The following ANKRD30B variants were observed in gnomAD, a reference collection of about 807,000 sequenced individuals.
The protein encoded by ANKRD30B is ankyrin repeat domain-containing protein 30B.
A neutral mutation model predicts 202.2 loss-of-function variants in ANKRD30B; 144 were observed. The ratio of observed to expected loss-of-function variants is 0.71; its 90% CI spans 0.62 to 0.82. ANKRD30B has a LOEUF of 0.82. Among genes scored for constraint, ANKRD30B ranks in the 40% least tolerant of loss-of-function variants. The pLI is 0.00. For synonymous variants in ANKRD30B, 508 were observed against 561.3 expected (o/e 0.91, Z 1.34); for missense variants, 1,487 against 1,669.1 (o/e 0.89, Z 1.90).
the ANKRD30B span, among the ~76,000 whole-genome samples, chr18:14,897,244 G>A: frequency 1.3e-5 from 2 of 152,082 alleles, no homozygotes; most frequent in East Asian, 3.9e-4. Flanking sequence ...AAAGAGTCAG[G>A]GCCAAATTGT....
At chr18:14,885,297 G>A in the ANKRD30B span, among the ~76,000 whole-genome samples, 2 of 152,076 alleles carry the variant, frequency 1.3e-5, no homozygotes, top group African/African-American at 4.8e-5. Flanking sequence ...TATCATTCAT[G>A]CTCAAGTAAA....
At chr18:14,753,173 A>T (rs1431108679) in intron 3 of ANKRD30B, among the ~76,000 whole-genome samples, 161 bp downstream of exon 3, 1 of 152,204 alleles carries the variant, frequency 6.6e-6, no homozygotes, top group African/African-American at 2.4e-5. Context: ...TTAATTTTTT[A>T]AAAGAACTAT....
chr18:14,871,311 C>A, the ANKRD30B span, among the ~76,000 whole-genome samples: 1 of 140,920 alleles, frequency 7.1e-6, no homozygotes, highest in East Asian at 2.2e-4. Flanking sequence ...ATACCAATTC[C>A]CACGCTCTTG....
intron 39 of ANKRD30B, 120 bp from the exon 40 acceptor site, chr18:14,848,596 C>T: frequency 2.6e-6 from 2 of 769,422 alleles, no homozygotes; most frequent in Non-Finnish European, 3.7e-6. Context: ...TAATGCCTTC[C>T]ACATGGTAGG....
the ANKRD30B span, among the ~76,000 whole-genome samples, chr18:14,881,521 A>G: frequency 1.6e-4 from 25 of 152,112 alleles, no homozygotes; most frequent in Admixed American, 1.4e-3. Context: ...TGTGTTCATC[A>G]AGGATATTGG....
chr18:14,926,411 T>C, the ANKRD30B span, among the ~76,000 whole-genome samples: 38 of 152,264 alleles, frequency 2.5e-4, no homozygotes, highest in East Asian at 4.1e-3. Flanking sequence ...TGGCTCCTGC[T>C]TGGGGAGGAC....
At chr18:14,819,413 T>G (rs1205636589) in intron 30 of ANKRD30B, among the ~76,000 whole-genome samples, 1 of 149,772 alleles carries the variant, frequency 6.7e-6, no homozygotes, top group African/African-American at 2.4e-5. Flanking sequence ...TTGCTTTTGG[T>G]GTTTTAGACA....
intron 6 of ANKRD30B, among the ~76,000 whole-genome samples, chr18:14,762,703 T>TA (rs1174553610): frequency 6.6e-6 from 1 of 152,276 alleles, no homozygotes; most frequent in Non-Finnish European, 1.5e-5. Flanking sequence ...CAAAAAATTA[T>TA]AAAAAAATTA....
At chr18:14,941,041 G>A in the ANKRD30B span, among the ~76,000 whole-genome samples, 2 of 152,074 alleles carry the variant, frequency 1.3e-5, no homozygotes. Flanking sequence ...TCCATCCCCA[G>A]GATAACACTG....
rs1204348778 is a variant in ANKRD30B at position 14,748,269 on chromosome 18, TGGTGTTGG to T, written c.-148_-141del. The stretch of plus-strand genomic sequence containing the variant: ...AGCTTGGCGATACAGAAATTTCTGC[TGGTGTTGG>T]GGCGGGTGCGGGAACTGAAGACGGG... On this transcript the variant is annotated 5_prime_UTR_variant, in exon 1 of 44. Coordinates refer to ENST00000690538, the MANE Select transcript of ANKRD30B (RefSeq NM_001367607.2). The T allele has an allele frequency of 1.7e-6, 1 of 576,060 alleles. No homozygotes were observed. Among genetic ancestry groups the T allele is most frequent in the African/African-American group, 2.0e-5 (1 of 51,106 alleles). 35.7% of individuals were successfully genotyped at this position (576,060 alleles called of 1,614,324 possible).
At chr18:14,807,784 G>T (rs114134448) in intron 24 of ANKRD30B, among the ~76,000 whole-genome samples, 1 of 150,816 alleles carries the variant, frequency 6.6e-6, no homozygotes, top group African/African-American at 2.5e-5. Context: ...CACCCTCTTC[G>T]GGTTTCCAAG....
chr18:14,903,677 C>T, the ANKRD30B span: 2 of 152,162 alleles, frequency 1.3e-5, no homozygotes, highest in African/African-American at 4.8e-5. Context: ...ATTCAAAATG[C>T]ACGTTACATC....
the ANKRD30B span, among the ~76,000 whole-genome samples, chr18:14,940,178 C>A: frequency 6.6e-6 from 1 of 152,148 alleles, no homozygotes; most frequent in African/African-American, 2.4e-5. Context: ...ACAGTGGGTC[C>A]CAAATCCCAG....
chr18:14,915,215 C>A, the ANKRD30B span, among the ~76,000 whole-genome samples: 3 of 152,142 alleles, frequency 2.0e-5, no homozygotes, highest in African/African-American at 7.2e-5. Context: ...CAAACAGCAG[C>A]AGACAGGGGG....
At chr18:14,885,423 C>G in the ANKRD30B span, among the ~76,000 whole-genome samples, 1 of 151,924 alleles carries the variant, frequency 6.6e-6, no homozygotes, top group East Asian at 1.9e-4. Context: ...AATGCAACCA[C>G]TAATACATTA....
At chr18:14,810,538 A>G (rs1328328409) in intron 28 of ANKRD30B, among the ~76,000 whole-genome samples, 1 of 151,188 alleles carries the variant, frequency 6.6e-6, no homozygotes, top group African/African-American at 2.4e-5. Flanking sequence ...TACTTTGAGG[A>G]AAGTTTCACT....
intron 34 of ANKRD30B, 54 bp from the exon 35 acceptor site, chr18:14,837,157 T>C (rs1971212031): frequency 3.9e-5 from 47 of 1,216,370 alleles, no homozygotes; most frequent in Non-Finnish European, 5.0e-5. Context: ...ATAAATACAA[T>C]TTTTTTCTGA....
chr18:14,930,708 C>T, the ANKRD30B span, among the ~76,000 whole-genome samples: 1 of 152,090 alleles, frequency 6.6e-6, no homozygotes, highest in African/African-American at 2.4e-5. Flanking sequence ...CATGGGGTGT[C>T]CACAGGCCCT....
intron 15 of ANKRD30B, among the ~76,000 whole-genome samples, chr18:14,790,334 A>C (rs1216447779): frequency 6.6e-6 from 1 of 152,194 alleles, no homozygotes; most frequent in Non-Finnish European, 1.5e-5. Context: ...GTCATCTGCA[A>C]ATAGGGACAA....
Sources: gnomAD v4.1 joint callset for allele counts (sites outside exome capture counted in the v4.1 genomes callset) on GRCh38, gnomAD v4.1.1 for gene constraint, MANE v1.5 for transcripts, NCBI Gene and HGNC (gene_info 2026-07-23, HGNC 2026-07-21) for gene names.